RAB11FIP4: variants seen among roughly 807,000 people sequenced by gnomAD.
RAB11FIP4 encodes RAB11 family interacting protein 4.
RAB11FIP4 carries 23 observed loss-of-function variants against 74.3 expected under a neutral mutation model. The ratio of observed to expected loss-of-function variants is 0.31; its 90% CI spans 0.22 to 0.44. The LOEUF (loss-of-function observed/expected upper bound fraction) is 0.44, where lower values mean the gene tolerates loss of function less well. Among genes scored for constraint, RAB11FIP4 ranks in the 20% least tolerant of loss-of-function variants. RAB11FIP4 has a pLI of 1.00. For synonymous variants in RAB11FIP4, 360 were observed against 359.9 expected, an observed-to-expected ratio of 1.00 and a Z score of 0.00; for missense variants, 630 against 863.9, an observed-to-expected ratio of 0.73 and a Z score of 3.39.
At chr17:31,508,875 G>A (rs961323662) in intron 3 of RAB11FIP4, among the ~76,000 whole-genome samples, 1 of 152,138 alleles carries the variant, frequency 6.6e-6, no homozygotes, top group Non-Finnish European at 1.5e-5. Flanking sequence ...TGTGTGTTGG[G>A]GTGAGGTTGT....
intron 3 of RAB11FIP4, among the ~76,000 whole-genome samples, chr17:31,491,219 G>A (rs1217212182): frequency 2.0e-5 from 3 of 152,228 alleles, no homozygotes; most frequent in Non-Finnish European, 2.9e-5. Context: ...TTCAGGACAC[G>A]GAGGCTTCCC....
intron 9 of RAB11FIP4, 195 bp downstream of exon 9, chr17:31,524,191 T>G: frequency 1.7e-6 from 1 of 571,446 alleles, no homozygotes; most frequent in South Asian, 2.1e-5. Flanking sequence ...GGGAGACAGG[T>G]TGGAGCTTGA....
intron 3 of RAB11FIP4, among the ~76,000 whole-genome samples, chr17:31,436,554 CA>C (rs2071358798): frequency 2.0e-5 from 3 of 152,188 alleles, no homozygotes; most frequent in Non-Finnish European, 4.4e-5. Flanking sequence ...AAAAGATGAG[CA>C]GGGGGTGCAG....
chr17:31,419,281 T>C (rs1371210668), intron 1 of RAB11FIP4, among the ~76,000 whole-genome samples: 1 of 146,208 alleles, frequency 6.8e-6, no homozygotes, highest in Non-Finnish European at 1.5e-5. Context: ...TGTTGAGAGT[T>C]TTTTTGTTTT....
chr17:31,499,106 G>T (rs2072170028), intron 3 of RAB11FIP4, among the ~76,000 whole-genome samples: 1 of 152,226 alleles, frequency 6.6e-6, no homozygotes, highest in Non-Finnish European at 1.5e-5. Context: ...TCTGGTCCAT[G>T]CTTTTCTTGG....
intron 1 of RAB11FIP4, among the ~76,000 whole-genome samples, chr17:31,401,274 T>TAA (rs72391772): frequency 1.4e-5 from 2 of 145,462 alleles, no homozygotes; most frequent in African/African-American, 5.2e-5. Flanking sequence ...TCTGTCTAAT[T>TAA]AAAAAAAAAA....
chr17:31,492,133 C>CAT (rs1567674652), intron 3 of RAB11FIP4, among the ~76,000 whole-genome samples: 6 of 151,998 alleles, frequency 3.9e-5, no homozygotes, highest in South Asian at 4.1e-4. Flanking sequence ...GTTTTCCGTA[C>CAT]TCTGGCCTGT....
In RAB11FIP4 at chr17:31,536,838, T is replaced by C. The variant is rs1189116874; in HGVS notation, c.*5106T>C. ...CCACCAGAGAAAATAGGCTGCCTTC[T>C]AGAAAGATTTGTTTCTAAAAGCGTA... is the stretch of plus-strand genomic sequence containing the variant. On this transcript the variant is annotated 3_prime_UTR_variant, in exon 15 of 15. Coordinates refer to ENST00000621161, the MANE Select transcript of RAB11FIP4 (RefSeq NM_032932.6). 1.8e-5 allele frequency: 7 copies of C among 397,240 alleles called. No homozygotes were observed. Among genetic ancestry groups the C allele is most frequent in the African/African-American group, 2.1e-5 (1 of 48,642 alleles). 24.6% of individuals were successfully genotyped at this position (397,240 alleles called of 1,614,324 possible). A position where few individuals can be genotyped will look rare whatever the true frequency, so the allele number is the denominator to read the frequency against.
At chr17:31,488,284 C>T in intron 3 of RAB11FIP4, 1 of 1,176,138 alleles carries the variant, frequency 8.5e-7, no homozygotes, top group Non-Finnish European at 1.1e-6. Context: ...TAAGCGGCGG[C>T]CCCGGGGCTG....
chr17:31,443,688 T>C (rs950879255), intron 3 of RAB11FIP4, among the ~76,000 whole-genome samples: 1 of 151,998 alleles, frequency 6.6e-6, no homozygotes, highest in Non-Finnish European at 1.5e-5. Context: ...GGTGGGCAGA[T>C]CACTTGAGGC....
chr17:31,498,956 C>T (rs1410648733), intron 3 of RAB11FIP4, among the ~76,000 whole-genome samples: 1 of 152,208 alleles, frequency 6.6e-6, no homozygotes, highest in Non-Finnish European at 1.5e-5. Context: ...ATTAAGCCCT[C>T]TCTTCAAAAA....
At chr17:31,392,109 CG>C in intron 1 of RAB11FIP4, 98 bp downstream of exon 1, 1 of 918,230 alleles carries the variant, frequency 1.1e-6, no homozygotes, top group Non-Finnish European at 1.4e-6. Context: ...TGGCCCGAGG[CG>C]GTGGCCTCCC....
chr17:31,431,968 C>G lies in RAB11FIP4; in HGVS notation c.247+68C>G, dbSNP rs113719906. 4,123 of 1,227,844 alleles carry G rather than the reference C, an allele frequency of 3.4e-3. 94 individuals are homozygous for G. The African/African-American group carries it at 0.054, about 16-fold the overall frequency. 76.1% of individuals were successfully genotyped at this position (1,227,844 alleles called of 1,614,324 possible). A position where few individuals can be genotyped will look rare whatever the true frequency, so the allele number is the denominator to read the frequency against. On this transcript the variant is annotated intron_variant, in intron 2 of 14. Coordinates refer to ENST00000621161, the MANE Select transcript of RAB11FIP4 (RefSeq NM_032932.6). ...TGCCCAGCTGGGGAAGCTGGTGTGA[C>G]TGGGGGCCCAGCCTGGATTCCTCCC...
chr17:31,445,565 TATATATATATA>T (rs1240559658), intron 3 of RAB11FIP4, among the ~76,000 whole-genome samples: 49 of 12,412 alleles, frequency 3.9e-3, no homozygotes, highest in Non-Finnish European at 6.3e-3. Flanking sequence ...TATATATATA[TATATATATATA>T]TATTTTTTTT....
At position 31,535,610 on chromosome 17, in the gene RAB11FIP4, G is replaced by A. The variant is rs1196631338; in HGVS notation, c.*3878G>A. ...AGGGTTCCTTTTCCTGTTGTTGAAT[G>A]GTCCTGGCCTGCAGGATGGGAGGCC... On this transcript the variant is annotated 3_prime_UTR_variant, in exon 15 of 15. Transcript: ENST00000621161. 5 of 152,230 alleles carry A rather than the reference G, an allele frequency of 3.3e-5. No homozygotes were observed. The highest frequency in any genetic ancestry group is 1.2e-4 in the African/African-American group (5 of 41,452). The allele number at this position is 152,230 out of a possible 1,614,324, so 9.4% of individuals were successfully genotyped here. A position where few individuals can be genotyped will look rare whatever the true frequency, so the allele number is the denominator to read the frequency against.
At position 31,512,290 on chromosome 17, in the gene RAB11FIP4, G is replaced by A. The variant is rs1597970699; in HGVS notation, c.337-5361G>A. On this transcript the variant is annotated intron_variant, in intron 3 of 14. Coordinates refer to ENST00000621161, the MANE Select transcript of RAB11FIP4 (RefSeq NM_032932.6). The surrounding 1 kb of genome is among the most constrained non-coding windows in gnomAD (Gnocchi z 4.1). Reference sequence around the variant, plus strand: ...GTGGCCCCCTAGAGCTGCCACTGAGGTGGAGTTGACTGGCCCCATTCTGTA... The same window carrying A: ...GTGGCCCCCTAGAGCTGCCACTGAGATGGAGTTGACTGGCCCCATTCTGTA... 6.6e-6 allele frequency among the ~76,000 whole-genome samples: 1 copy of A among 152,180 alleles called. No homozygotes were observed. The highest frequency in any genetic ancestry group is 2.1e-4 in the South Asian group (1 of 4,828).
At chr17:31,430,228 T>A (rs2071294142) in intron 1 of RAB11FIP4, among the ~76,000 whole-genome samples, 1 of 152,054 alleles carries the variant, frequency 6.6e-6, no homozygotes, top group Non-Finnish European at 1.5e-5. Context: ...TGTGGTGGTT[T>A]CCGTGAGGAG....
chr17:31,434,324 G>T (rs530934715), intron 3 of RAB11FIP4, among the ~76,000 whole-genome samples: 1 of 152,264 alleles, frequency 6.6e-6, no homozygotes, highest in Admixed American at 6.5e-5. Context: ...ACAGCTGGGG[G>T]TCCTCACCCA....
intron 3 of RAB11FIP4, among the ~76,000 whole-genome samples, chr17:31,434,512 C>T (rs138160836): frequency 6.6e-6 from 1 of 152,296 alleles, no homozygotes; most frequent in East Asian, 1.9e-4. Context: ...AATTCTCTGA[C>T]ACTAACTGGT....
Sources: allele counts gnomAD v4.1 joint callset (sites outside exome capture counted in the v4.1 genomes callset), GRCh38; gene constraint gnomAD v4.1.1; non-coding constraint Gnocchi (gnomAD v3.1); transcripts MANE v1.5; gene names NCBI Gene and HGNC (gene_info 2026-07-23, HGNC 2026-07-21).